The following MDGA2 variants were observed in gnomAD, a reference collection of about 807,000 sequenced individuals.
The protein encoded by MDGA2 is MAM domain containing glycosylphosphatidylinositol anchor 2.
A neutral mutation model predicts 117.8 loss-of-function variants in MDGA2; 40 were observed. That is an observed-to-expected ratio of 0.34 (90% CI 0.26 to 0.44). The LOEUF (loss-of-function observed/expected upper bound fraction) is 0.44, where lower values mean the gene tolerates loss of function less well. Ranked by LOEUF, MDGA2 falls within the 20% of genes least tolerant of loss-of-function variation. The probability of loss-of-function intolerance (pLI) is 1.00; values close to 1 mark genes in which losing one functional copy is unlikely to be tolerated. For missense variants in MDGA2, 1,123 were observed against 1,250.6 expected (o/e 0.90, Z 1.54); for synonymous variants, 452 against 439.0 (o/e 1.03, Z -0.37).
intron 6 of MDGA2, 103 bp from the exon 7 acceptor site, chr14:47,061,681 A>C: frequency 1.1e-6 from 1 of 951,944 alleles, no homozygotes; most frequent in Non-Finnish European, 1.5e-6. Flanking sequence ...GTAAAACCAA[A>C]TAAAGTGTAC....
chr14:46,981,252 A>C (rs1201712240), intron 8 of MDGA2, among the ~76,000 whole-genome samples: 1 of 151,946 alleles, frequency 6.6e-6, no homozygotes, highest in East Asian at 1.9e-4. Flanking sequence ...AAAAATACAA[A>C]AACTAGCTGG....
chr14:46,900,597 A>T (rs991718752), intron 10 of MDGA2, among the ~76,000 whole-genome samples: 3 of 152,202 alleles, frequency 2.0e-5, no homozygotes, highest in African/African-American at 7.2e-5. Context: ...TAAATAGAAA[A>T]GTTAATTTCA....
chr14:46,920,960 G>C (rs1298558890), intron 9 of MDGA2, among the ~76,000 whole-genome samples: 1 of 152,152 alleles, frequency 6.6e-6, no homozygotes, highest in Non-Finnish European at 1.5e-5. Flanking sequence ...ATTACGTATA[G>C]TGTATATACC....
Position 47,675,219 on chromosome 14 carries a change from C to T in MDGA2, c.-423G>A, listed in dbSNP as rs1898160745. Reference sequence around the variant, plus strand: ...CCGCCCGCCCGCAGTCCGAAGCCCCCAGCCCTGCTGTCTTGCCTTCCCCCA... The same window carrying T: ...CCGCCCGCCCGCAGTCCGAAGCCCCTAGCCCTGCTGTCTTGCCTTCCCCCA... On this transcript the variant is annotated 5_prime_UTR_variant, in exon 1 of 17. The change creates a premature stop within an existing upstream ORF in the 5' untranslated region. Transcript: ENST00000399232. Among the ~76,000 whole-genome samples, 1 of 152,164 alleles carries T rather than the reference C, an allele frequency of 6.6e-6. No individual in the cohort carries two copies. The highest frequency in any genetic ancestry group is 2.1e-4 in the South Asian group (1 of 4,832).
At chr14:47,325,244 A>G (rs1311551917) in intron 1 of MDGA2, among the ~76,000 whole-genome samples, 1 of 152,184 alleles carries the variant, frequency 6.6e-6, no homozygotes, top group Non-Finnish European at 1.5e-5. Context: ...GCAACACTGA[A>G]GTCATTCATC....
intron 3 of MDGA2, among the ~76,000 whole-genome samples, chr14:47,177,494 CT>C (rs979604097): frequency 6.6e-6 from 1 of 152,130 alleles, no homozygotes; most frequent in Non-Finnish European, 1.5e-5. Flanking sequence ...AGTTCATGTC[CT>C]TTGTAGGGAC....
At chr14:47,496,074 T>C (rs1894275598) in intron 1 of MDGA2, among the ~76,000 whole-genome samples, 2 of 152,138 alleles carry the variant, frequency 1.3e-5, no homozygotes, top group South Asian at 4.1e-4. Flanking sequence ...AAATATATTT[T>C]TTCATTCTAC....
chr14:47,005,088 TA>T (rs2138507262), intron 8 of MDGA2, among the ~76,000 whole-genome samples: 1 of 151,778 alleles, frequency 6.6e-6, no homozygotes, highest in South Asian at 2.1e-4. Context: ...TGATGCGATT[TA>T]TGTTTTTTCC....
At chr14:47,034,816 C>T (rs1888785664) in intron 8 of MDGA2, among the ~76,000 whole-genome samples, 195 bp downstream of exon 8, 1 of 151,850 alleles carries the variant, frequency 6.6e-6, no homozygotes, top group African/African-American at 2.4e-5. Flanking sequence ...GCAAAAAGCA[C>T]ATTTAGGGTA....
intron 1 of MDGA2, among the ~76,000 whole-genome samples, chr14:47,378,874 A>ATCTTG (rs1891542229): frequency 6.6e-6 from 1 of 152,176 alleles, no homozygotes; most frequent in African/African-American, 2.4e-5. Context: ...GAACGCCACA[A>ATCTTG]AGATACTCCT....
At chr14:46,971,940 T>C (rs954650409) in intron 8 of MDGA2, among the ~76,000 whole-genome samples, 1 of 152,190 alleles carries the variant, frequency 6.6e-6, no homozygotes, top group Non-Finnish European at 1.5e-5. Context: ...TGACTTTGGG[T>C]TGTTGAAACA....
chr14:47,184,720 G>C (rs1884843535), intron 3 of MDGA2, among the ~76,000 whole-genome samples: 1 of 151,656 alleles, frequency 6.6e-6, no homozygotes, highest in South Asian at 2.1e-4. Flanking sequence ...TTAATTTTTA[G>C]TAGTAACAAT....
rs75623549 is a variant in MDGA2, at chr14:46,884,767, T to C, written c.2239-2546A>G. On this transcript the variant is annotated intron_variant, in intron 10 of 16. Coordinates refer to ENST00000399232, the MANE Select transcript of MDGA2 (RefSeq NM_001113498.3). This position sits in a 1 kb window ranked among gnomAD's most constrained non-coding sequence, Gnocchi z 4.1. ...ATTCAGTCTCAGGAGTATTAAACAA[T>C]TAAATTTAAAACATACAATTTAAAT... Among the ~76,000 whole-genome samples, 1 of 152,092 alleles carries C rather than the reference T, an allele frequency of 6.6e-6. No individual in the cohort carries two copies. The highest frequency in any genetic ancestry group is 1.9e-4 in the East Asian group (1 of 5,194).
chr14:47,308,841 C>G (rs1332727380), intron 1 of MDGA2, among the ~76,000 whole-genome samples: 5 of 152,076 alleles, frequency 3.3e-5, no homozygotes, highest in African/African-American at 1.2e-4. Flanking sequence ...ATTTGTATTT[C>G]TAAAAGAACA....
intron 7 of MDGA2, among the ~76,000 whole-genome samples, chr14:47,043,551 T>C (rs1275405775): frequency 6.6e-6 from 1 of 152,084 alleles, no homozygotes; most frequent in Non-Finnish European, 1.5e-5. Context: ...ATGTCTCTTC[T>C]TCATCTAAAA....
At chr14:47,373,505 G>A (rs1181220906) in intron 1 of MDGA2, among the ~76,000 whole-genome samples, 3 of 152,142 alleles carry the variant, frequency 2.0e-5, no homozygotes, top group Middle Eastern at 6.8e-3. Flanking sequence ...ACATGATACA[G>A]CATCAGTGAA....
intron 9 of MDGA2, among the ~76,000 whole-genome samples, chr14:46,924,007 G>T (rs931944614): frequency 4.0e-5 from 6 of 151,840 alleles, no homozygotes; most frequent in African/African-American, 1.5e-4. Flanking sequence ...ATACTATGTT[G>T]TTCCAATCTA....
At chr14:47,049,491 G>A (rs1307798143) in intron 7 of MDGA2, among the ~76,000 whole-genome samples, 4 of 151,842 alleles carry the variant, frequency 2.6e-5, no homozygotes, top group Non-Finnish European at 5.9e-5. Context: ...GTTTTTATTT[G>A]TATAATTTTT....
intron 2 of MDGA2, among the ~76,000 whole-genome samples, chr14:47,300,283 T>G (rs1014272144): frequency 5.3e-5 from 8 of 152,228 alleles, no homozygotes; most frequent in African/African-American, 1.4e-4. Flanking sequence ...AGTGAAACTA[T>G]TTTTCCTACC....
Sources: allele counts gnomAD v4.1 joint callset (sites outside exome capture counted in the v4.1 genomes callset), GRCh38; gene constraint gnomAD v4.1.1; non-coding constraint Gnocchi (gnomAD v3.1); transcripts MANE v1.5; gene names NCBI Gene and HGNC (gene_info 2026-07-23, HGNC 2026-07-21).